Variants in ATP1A4 observed in about 807,000 individuals in gnomAD.
ATP1A4 encodes the protein ATPase Na+/K+ transporting subunit alpha 4, also known as sodium/potassium-transporting ATPase subunit alpha-4.
ATP1A4 carries 90 observed loss-of-function variants against 114.3 expected under a neutral mutation model. The observed-to-expected ratio is 0.79, with a 90% confidence interval of 0.66 to 0.94. The LOEUF (loss-of-function observed/expected upper bound fraction) is 0.94, where lower values mean the gene tolerates loss of function less well. Among genes scored for constraint, ATP1A4 ranks in the 40% least tolerant of loss-of-function variants. ATP1A4 has a pLI of 0.00. For missense variants in ATP1A4, 1,222 were observed against 1,313.6 expected (o/e 0.93, Z 1.08); for synonymous variants, 511 against 494.1 (o/e 1.03, Z -0.45).
At chr1:160,175,916 G>A (rs1304969270) in intron 15 of ATP1A4, among the ~76,000 whole-genome samples, 176 bp from the exon 16 acceptor site, 1 of 152,128 alleles carries the variant, frequency 6.6e-6, no homozygotes, top group Non-Finnish European at 1.5e-5. Flanking sequence ...AGACGGCATG[G>A]CTCTGATTAA....
intron 16 of ATP1A4, 30 bp from the exon 17 acceptor site, chr1:160,176,448 AC>A (rs753252388): frequency 1.2e-5 from 19 of 1,612,810 alleles, no homozygotes; most frequent in Non-Finnish European, 1.5e-5. Flanking sequence ...GAACTTTGTG[AC>A]CCCTGTCATC....
intron 6 of ATP1A4, among the ~76,000 whole-genome samples, chr1:160,161,324 C>A (rs186838356): frequency 6.6e-6 from 1 of 152,340 alleles, no homozygotes; most frequent in Non-Finnish European, 1.5e-5. Context: ...TAGACCTTGA[C>A]ATGGCTGTGG....
intron 6 of ATP1A4, among the ~76,000 whole-genome samples, chr1:160,161,885 T>A (rs1571015976): frequency 6.6e-6 from 1 of 152,152 alleles, no homozygotes; most frequent in Non-Finnish European, 1.5e-5. Context: ...CGTGCAGCAA[T>A]GTTCATGGGA....
intron 4 of ATP1A4, 55 bp from the exon 5 acceptor site, chr1:160,158,947 G>C: frequency 6.3e-7 from 1 of 1,580,394 alleles, no homozygotes; most frequent in Non-Finnish European, 8.6e-7. Flanking sequence ...TAGGCTAAGA[G>C]TGGGATGAGG....
chr1:160,162,696 A>G (rs1413939869), intron 6 of ATP1A4, among the ~76,000 whole-genome samples: 2 of 152,090 alleles, frequency 1.3e-5, no homozygotes, highest in Non-Finnish European at 2.9e-5. Flanking sequence ...AGCATTGCCA[A>G]ATGTCCCCAG....
In ATP1A4 at chr1:160,176,154, G is replaced by C; in HGVS notation, c.2374G>C (p.Glu792Gln). ...IMYTLTSNIP[E>Q]ITPFLMFIIL... is the part of the protein sequence containing the mutation. Reference sequence around the variant, plus strand: ...GTACACCCTGACCAGCAACATCCCCGAGATCACGCCCTTCCTGATGTTCAT... The same window carrying C: ...GTACACCCTGACCAGCAACATCCCCCAGATCACGCCCTTCCTGATGTTCAT... The change falls in exon 16 of 22, where the codon GAG becomes CAG. Residue 792 changes from glutamate to glutamine, a missense_variant. By Grantham distance (29) the Glu-to-Gln change is conservative (BLOSUM62 2). Transcript: ENST00000368081. 2 of 1,613,998 alleles carry C rather than the reference G, an allele frequency of 1.2e-6. No individual in the cohort carries two copies. The highest frequency in any genetic ancestry group is 1.7e-6 in the Non-Finnish European group (2 of 1,179,994).
At chr1:160,186,129 C>T in intron 20 of ATP1A4, 147 bp from the exon 21 acceptor site, 1 of 427,934 alleles carries the variant, frequency 2.3e-6, no homozygotes, top group South Asian at 1.8e-5. Flanking sequence ...AGATCTTATT[C>T]AACTGCACTG....
At chr1:160,160,715 C>A (rs565460107) in intron 6 of ATP1A4, among the ~76,000 whole-genome samples, 1 of 152,158 alleles carries the variant, frequency 6.6e-6, no homozygotes, top group East Asian at 1.9e-4. Flanking sequence ...AGGTCTGTCT[C>A]CATATCTCGT....
intron 1 of ATP1A4, 36 bp from the exon 2 acceptor site, chr1:160,153,129 A>G: frequency 6.3e-7 from 1 of 1,592,944 alleles, no homozygotes; most frequent in Non-Finnish European, 8.6e-7. Context: ...GACCTGGGCC[A>G]CCCCCTGTCC....
chr1:160,186,702 T>C lies in ATP1A4; in HGVS notation c.*3T>C. 1 of 1,610,862 alleles carries C rather than the reference T, an allele frequency of 6.2e-7. No individual in the cohort carries two copies. The highest frequency in any genetic ancestry group is 8.5e-7 in the Non-Finnish European group (1 of 1,178,564). On this transcript the variant is annotated 3_prime_UTR_variant, in exon 22 of 22. Transcript: ENST00000368081. ...TGGAAAGGGAGACGTACTACTAAAC[T>C]CAGCAGATGAAGAGCTTCATGTGAC... is the stretch of plus-strand genomic sequence containing the variant.
rs16831482 is a variant in ATP1A4, at chr1:160,171,381, T to G, written c.1622T>G (p.Met541Arg). ...CAGGAGTACTCAATGAACGATGAAA[T>G]GAAGGAAGCCTTCCAAAATGCCTAC... The part of the protein sequence containing the change: ...NGQEYSMNDE[M>R]KEAFQNAYLE... Residue 541 changes from methionine (M) to arginine (R), a missense_variant, in exon 11 of 22, where the codon ATG (methionine) becomes AGG (arginine). By Grantham distance (91) the Met-to-Arg change is moderately conservative. Transcript: ENST00000368081. 3,785 of 1,614,166 alleles carry G rather than the reference T, an allele frequency of 2.3e-3. 117 individuals are homozygous for G. In the East Asian group the frequency reaches 0.063, roughly 27 times the overall value.
intron 18 of ATP1A4, among the ~76,000 whole-genome samples, chr1:160,178,248 G>A (rs985205750): frequency 9.2e-5 from 14 of 151,920 alleles, no homozygotes; most frequent in East Asian, 1.9e-4. Context: ...CCAACCACTC[G>A]GGAGGCTGAG....
In ATP1A4 at chr1:160,181,989, A is replaced by G; in HGVS notation, c.2927A>G (p.Tyr976Cys). Reference sequence around the variant, plus strand: ...ACACTCTTGGCTGCATTTCTGTCCTACACTCCAGGCATGGACGTGGCCCTG... The same window carrying G: ...ACACTCTTGGCTGCATTTCTGTCCTGCACTCCAGGCATGGACGTGGCCCTG... ...EETLLAAFLS[Y>C]TPGMDVALRM... The change falls in exon 20 of 22, where the codon TAC becomes TGC. Residue 976 changes from tyrosine to cysteine, a missense_variant. By Grantham distance (194) the Tyr-to-Cys change is radical. Transcript: ENST00000368081. The G allele has an allele frequency of 6.2e-7, 1 of 1,614,142 alleles. No homozygotes were observed. Among genetic ancestry groups the G allele is most frequent in the South Asian group, 1.1e-5 (1 of 91,082 alleles).
rs538472119 is a variant in ATP1A4 at position 160,165,564 on chromosome 1, T to C, written c.1048-964T>C. Among the ~76,000 whole-genome samples, 243 of 151,548 alleles carry C rather than the reference T, an allele frequency of 1.6e-3. 3 individuals carry two copies. The highest frequency in any genetic ancestry group is 5.2e-3 in the African/African-American group (217 of 41,338). On this transcript the variant is annotated intron_variant, in intron 7 of 21. Coordinates refer to ENST00000368081, the MANE Select transcript of ATP1A4 (RefSeq NM_144699.4). ...CACGAGGTCAGGAGATCGAGACCGT[T>C]CTGGCTAACACGGTGAAACCCCGTC...
rs527303426 is a variant in ATP1A4, at chr1:160,186,086, C to CAAA, written c.2970-170_2970-168dup. ...TGGGCAACAGAACAAGACTCTGTCG[C>CAAA]AAAAAAAAAAAAAAAAAAAAAAGGG... On this transcript the variant is annotated intron_variant, in intron 20 of 21. Transcript: ENST00000368081. 4.3e-4 allele frequency among the ~76,000 whole-genome samples: 14 copies of CAAA among 32,784 alleles called. 1 individual carries two copies. The highest frequency in any genetic ancestry group is 2.3e-3 in the South Asian group (1 of 430). 21.5% of individuals were successfully genotyped at this position (32,784 alleles called of 152,430 possible).
At chr1:160,179,746 A>C (rs143463803) in intron 18 of ATP1A4, among the ~76,000 whole-genome samples, 1 of 152,350 alleles carries the variant, frequency 6.6e-6, no homozygotes, top group African/African-American at 2.4e-5. Flanking sequence ...TAGTGAACAA[A>C]AATCATCAAG....
intron 7 of ATP1A4, 50 bp from the exon 8 acceptor site, chr1:160,166,478 G>A (rs1451157147): frequency 6.3e-7 from 1 of 1,599,934 alleles, no homozygotes; most frequent in South Asian, 1.1e-5. Context: ...GCAAAATGGT[G>A]TGAGTATTCC....
At chr1:160,152,924 C>T (rs1409829227) in intron 1 of ATP1A4, among the ~76,000 whole-genome samples, 1 of 151,932 alleles carries the variant, frequency 6.6e-6, no homozygotes, top group Non-Finnish European at 1.5e-5. Context: ...ATCCCAGCTG[C>T]TTGGGAGGCT....
At chr1:160,161,849 G>A (rs1484732738) in intron 6 of ATP1A4, among the ~76,000 whole-genome samples, 1 of 152,156 alleles carries the variant, frequency 6.6e-6, no homozygotes, top group Admixed American at 6.6e-5. Flanking sequence ...ACAGCTAAAG[G>A]CAACCTTAGA....
Sources: allele counts gnomAD v4.1 joint callset (sites outside exome capture counted in the v4.1 genomes callset), GRCh38; gene constraint gnomAD v4.1.1; transcripts MANE v1.5; gene names NCBI Gene and HGNC (gene_info 2026-07-23, HGNC 2026-07-21).